Variants in CFAP47 observed in about 807,000 individuals in gnomAD.
The protein encoded by CFAP47 is cilia and flagella associated protein 47, also known as cilia- and flagella-associated protein 47.
Under a neutral mutation model 148.1 loss-of-function variants are expected in CFAP47, and 29 were observed. The ratio of observed to expected loss-of-function variants is 0.20; its 90% CI spans 0.15 to 0.27. The LOEUF is 0.27. CFAP47 is among the 10% of genes least tolerant of loss of function. The pLI is 1.00. For missense variants in CFAP47, 1,872 were observed against 1,697.5 expected (o/e 1.10, Z -1.81); for synonymous variants, 664 against 577.3 (o/e 1.15, Z -2.15).
intron 51 of CFAP47, among the ~76,000 whole-genome samples, chrX:36,291,783 GTCAT>G (rs1941195813): frequency 1.8e-5 from 2 of 111,018 alleles, no homozygotes; most frequent in Admixed American, 1.9e-4. Context: ...GGCCTACATG[GTCAT>G]TCAGAGTTAG....
chrX:35,984,605 T>A (rs1360283097), intron 15 of CFAP47, among the ~76,000 whole-genome samples: 1 of 111,734 alleles, frequency 8.9e-6, no homozygotes, highest in African/African-American at 3.3e-5. Context: ...ATAAAATTTC[T>A]GCTTAATACT....
In CFAP47 at chrX:36,299,120, T is replaced by C; in HGVS notation, c.7830T>C (p.Tyr2610=). The C allele has an allele frequency of 9.2e-7, 1 of 1,085,342 alleles. No homozygotes were observed. The highest frequency in any genetic ancestry group is 1.2e-6 in the Non-Finnish European group (1 of 819,894). 89.4% of individuals were successfully genotyped at this position (1,085,342 alleles called of 1,213,427 possible). The part of the protein sequence containing the change: ...PLQCTKYIVW[Y]SPATTGYSDE... ...AGTGCACCAAATATATTGTATGGTA[T>C]TCTCCAGCAACTACAGGCTACAGCG... Residue 2610 remains tyrosine (Y), a synonymous_variant, in exon 52 of 64, where the codon TAT becomes TAC. Coordinates refer to ENST00000378653, the MANE Select transcript of CFAP47 (RefSeq NM_001304548.2).
chrX:36,263,837 C>T (rs1412274830), intron 49 of CFAP47, among the ~76,000 whole-genome samples: 1 of 112,074 alleles, frequency 8.9e-6, no homozygotes, highest in African/African-American at 3.2e-5. Context: ...CAAGCAGCCA[C>T]CCTATAGCCA....
chrX:36,318,700 G>A (rs1214960880), intron 56 of CFAP47, among the ~76,000 whole-genome samples: 1 of 111,891 alleles, frequency 8.9e-6, no homozygotes, highest in African/African-American at 3.2e-5. Context: ...CATGGATATG[G>A]AACCCATGGA....
At chrX:36,011,108 C>G (rs1017984278) in intron 21 of CFAP47, among the ~76,000 whole-genome samples, 1 of 112,023 alleles carries the variant, frequency 8.9e-6, no homozygotes, top group Non-Finnish European at 1.9e-5. Flanking sequence ...AGAATACATT[C>G]TTTGCTATGC....
At chrX:36,003,817 A>T (rs1936945454) in intron 21 of CFAP47, among the ~76,000 whole-genome samples, 1 of 110,042 alleles carries the variant, frequency 9.1e-6, no homozygotes, top group Non-Finnish European at 1.9e-5. Flanking sequence ...CTAAATAGGA[A>T]GTCAAATTAT....
At chrX:35,992,283 G>C (rs759919492) in intron 17 of CFAP47, among the ~76,000 whole-genome samples, 1 of 110,700 alleles carries the variant, frequency 9.0e-6, no homozygotes, top group Non-Finnish European at 1.9e-5. Flanking sequence ...TCTGTAATCA[G>C]GGCCATGATG....
intron 52 of CFAP47, among the ~76,000 whole-genome samples, chrX:36,300,077 A>C (rs1011793002): frequency 1.8e-5 from 2 of 111,357 alleles, no homozygotes; most frequent in Non-Finnish European, 3.8e-5. Flanking sequence ...CATTAAAAAA[A>C]TTTTTGGCTA....
chrX:36,109,658 T>G (rs1938522254), intron 33 of CFAP47, among the ~76,000 whole-genome samples: 1 of 110,402 alleles, frequency 9.1e-6, no homozygotes, highest in African/African-American at 3.3e-5. Flanking sequence ...GTATTTTTAG[T>G]AGAGACGGGG....
intron 45 of CFAP47, among the ~76,000 whole-genome samples, chrX:36,212,843 A>T (rs1940117724): frequency 9.0e-6 from 1 of 111,356 alleles, no homozygotes; most frequent in Non-Finnish European, 1.9e-5. Flanking sequence ...GGAGCAGTGG[A>T]TCATCATGCT....
intron 6 of CFAP47, among the ~76,000 whole-genome samples, chrX:35,952,432 C>G (rs1302315196): frequency 1.8e-5 from 2 of 112,170 alleles, no homozygotes; most frequent in African/African-American, 6.5e-5. Flanking sequence ...TTCATACAGA[C>G]TTTTAGCACT....
intron 63 of CFAP47, among the ~76,000 whole-genome samples, chrX:36,383,862 C>T (rs1378964543): frequency 1.8e-5 from 2 of 111,301 alleles, no homozygotes; most frequent in African/African-American, 3.3e-5. Flanking sequence ...AGGAGGACAC[C>T]AGTATAAACA....
Position 36,008,685 on chromosome X carries a change from G to T in CFAP47, c.3418-6089G>T, listed in dbSNP as rs187064462. Among the ~76,000 whole-genome samples, 54 of 110,261 alleles carry T rather than the reference G, an allele frequency of 4.9e-4. 2 individuals carry two copies. The East Asian group carries it at 0.015, about 31-fold the overall frequency. ...CTAGGGAGGCTGAGGCAGGAGAATC[G>T]CTTGAACCCAGGAGGAGGAGGCTGC... On this transcript the variant is annotated intron_variant, in intron 21 of 63. Coordinates refer to ENST00000378653, the MANE Select transcript of CFAP47 (RefSeq NM_001304548.2).
intron 50 of CFAP47, among the ~76,000 whole-genome samples, chrX:36,285,020 G>T (rs924176245): frequency 5.4e-5 from 6 of 111,351 alleles, no homozygotes; most frequent in Admixed American, 2.9e-4. Context: ...TATGGTTTTG[G>T]TTATCATCAG....
chrX:36,204,077 C>T lies in CFAP47; in HGVS notation c.6664-880C>T, dbSNP rs1044314748. On this transcript the variant is annotated intron_variant, in intron 44 of 63. Coordinates refer to ENST00000378653, the MANE Select transcript of CFAP47 (RefSeq NM_001304548.2). ...TTGAGAAGTGTCTGTTCATATCCTTCGCCCACTTTTTGATGGGGTCGTTTG... is the reference window on the plus strand; with the variant it reads ...TTGAGAAGTGTCTGTTCATATCCTTTGCCCACTTTTTGATGGGGTCGTTTG... 1.6e-4 allele frequency among the ~76,000 whole-genome samples: 18 copies of T among 111,301 alleles called. No homozygotes were observed. The South Asian group carries it at 2.3e-3, about 14-fold the overall frequency.
chrX:36,092,301 A>G (rs1311343737), intron 30 of CFAP47, among the ~76,000 whole-genome samples: 1 of 111,317 alleles, frequency 9.0e-6, no homozygotes, highest in Non-Finnish European at 1.9e-5. Flanking sequence ...CAAGCTTTCT[A>G]TATTTAGGTA....
intron 45 of CFAP47, among the ~76,000 whole-genome samples, chrX:36,219,445 C>T (rs1940192048): frequency 9.0e-6 from 1 of 111,144 alleles, no homozygotes; most frequent in African/African-American, 3.3e-5. Context: ...TTCAGGTTTC[C>T]CTTGGCCCAG....
intron 27 of CFAP47, among the ~76,000 whole-genome samples, chrX:36,070,025 T>G (rs1937717854): frequency 1.8e-5 from 2 of 111,605 alleles, no homozygotes; most frequent in African/African-American, 3.3e-5. Flanking sequence ...CACAAATAAT[T>G]TTATCATTGA....
chrX:36,362,860 A>G (rs1187736608), intron 61 of CFAP47, among the ~76,000 whole-genome samples: 1 of 111,926 alleles, frequency 8.9e-6, no homozygotes, highest in African/African-American at 3.2e-5. Context: ...TATACCATAC[A>G]TATTGACATT....
Sources: gnomAD v4.1 joint callset for allele counts (sites outside exome capture counted in the v4.1 genomes callset) on GRCh38, gnomAD v4.1.1 for gene constraint, MANE v1.5 for transcripts, NCBI Gene and HGNC (gene_info 2026-07-23, HGNC 2026-07-21) for gene names.